The following BAG2 variants were observed in gnomAD, a reference collection of about 807,000 sequenced individuals.
The protein encoded by BAG2 is BAG family molecular chaperone regulator 2.
Under a neutral mutation model 16.4 loss-of-function variants are expected in BAG2, and 8 were observed. That is an observed-to-expected ratio of 0.49 (90% confidence interval 0.29 to 0.88). The LOEUF (loss-of-function observed/expected upper bound fraction) is 0.88, where lower values mean the gene tolerates loss of function less well. BAG2 is among the 40% of genes least tolerant of loss of function. The pLI is 0.09. For missense variants in BAG2, 218 were observed against 248.9 expected (o/e 0.88, Z 0.84); for synonymous variants, 82 against 89.2 (o/e 0.92, Z 0.46).
chr6:57,188,547 C>CAA lies in BAG2; in HGVS notation c.*4359_*4360dup, dbSNP rs1430845617. On this transcript the variant is annotated 3_prime_UTR_variant, in exon 3 of 3. Transcript: ENST00000370693. Reference sequence around the variant, plus strand: ...AATAAAGACAAAAGACTATTTGTTGCAAAGTATTATTTTGTGCAAAAATTA... The same window carrying CAA: ...AATAAAGACAAAAGACTATTTGTTGCAAAAAGTATTATTTTGTGCAAAAATTA... 6 of 152,072 alleles carry CAA rather than the reference C, an allele frequency of 3.9e-5. No individual in the cohort carries two copies. Among genetic ancestry groups the CAA allele is most frequent in the African/African-American group, 9.6e-5 (4 of 41,492 alleles). 9.4% of individuals were successfully genotyped at this position (152,072 alleles called of 1,614,324 possible). A position where few individuals can be genotyped will look rare whatever the true frequency, so the allele number is the denominator to read the frequency against.
rs527952717 is a variant in BAG2, at chr6:57,184,794, A to G, written c.*604A>G. 1.3e-5 allele frequency: 2 copies of G among 152,754 alleles called. No homozygotes were observed. Among genetic ancestry groups the G allele is most frequent in the African/African-American group, 4.8e-5 (2 of 41,588 alleles). The allele number at this position is 152,754 out of a possible 1,614,324, so 9.5% of individuals were successfully genotyped here. ...GACATAAAATGTGAGAAAACCACCTATAATTTACCACTGTGAACAATTATA... is the reference window on the plus strand; with the variant it reads ...GACATAAAATGTGAGAAAACCACCTGTAATTTACCACTGTGAACAATTATA... On this transcript the variant is annotated 3_prime_UTR_variant, in exon 3 of 3. Coordinates refer to ENST00000370693, the MANE Select transcript of BAG2 (RefSeq NM_004282.4).
rs1435363176 is a variant in BAG2 at position 57,183,938 on chromosome 6, G to A, written c.384G>A (p.Leu128=). 1.2e-6 allele frequency: 2 copies of A among 1,613,994 alleles called. No individual in the cohort carries two copies. ...TGGTCAATAAGTTTCTGGATGATTT[G>A]GGAAATGCCAAGAGTCATTTAATGT... ...DEVVNKFLDD[L]GNAKSHLMSL... Residue 128 remains leucine, a synonymous_variant, in exon 3 of 3, where the codon TTG becomes TTA. Transcript: ENST00000370693.
chr6:57,189,272 A>C lies in BAG2; in HGVS notation c.*5082A>C, dbSNP rs1764738378. The C allele has an allele frequency of 6.6e-6, 1 of 152,206 alleles. No homozygotes were observed. The highest frequency in any genetic ancestry group is 1.5e-5 in the Non-Finnish European group (1 of 68,026). The allele number at this position is 152,206 out of a possible 1,614,324, so 9.4% of individuals were successfully genotyped here. ...ACAAACAAGGTTATAGAAATGTTGA[A>C]GTGATTGATAATCTTAAAATACCAT... is the stretch of plus-strand genomic sequence containing the variant. On this transcript the variant is annotated 3_prime_UTR_variant, in exon 3 of 3. Coordinates refer to ENST00000370693, the MANE Select transcript of BAG2 (RefSeq NM_004282.4).
At chr6:57,178,034 A>G (rs1309361216) in intron 1 of BAG2, among the ~76,000 whole-genome samples, 1 of 152,216 alleles carries the variant, frequency 6.6e-6, no homozygotes, top group African/African-American at 2.4e-5. Flanking sequence ...AGCACAGCCC[A>G]GGCCAGCCTT....
At chr6:57,177,562 T>C (rs930078934) in intron 1 of BAG2, among the ~76,000 whole-genome samples, 1 of 152,222 alleles carries the variant, frequency 6.6e-6, no homozygotes, top group African/African-American at 2.4e-5. Context: ...TAGCTATTAA[T>C]ACTATAAATA....
intron 1 of BAG2, among the ~76,000 whole-genome samples, chr6:57,175,844 T>C (rs529225954): frequency 6.6e-6 from 1 of 152,114 alleles, no homozygotes; most frequent in Non-Finnish European, 1.5e-5. Context: ...AGTGTTTCCC[T>C]GAATTTTGTG....
chr6:57,172,562 C>G lies in BAG2; in HGVS notation c.-136C>G, dbSNP rs1027834957. ...CAGCCGCGGTGTCGGCGAGTCCTCC[C>G]GGGTTGCCCCCGCGGGCGTCAGAGG... On this transcript the variant is annotated 5_prime_UTR_variant, in exon 1 of 3. Transcript: ENST00000370693. 9.2e-5 allele frequency: 62 copies of G among 672,210 alleles called. No homozygotes were observed. Among genetic ancestry groups the G allele is most frequent in the Non-Finnish European group, 1.4e-4 (61 of 438,842 alleles). The allele number at this position is 672,210 out of a possible 1,614,324, so 41.6% of individuals were successfully genotyped here.
chr6:57,179,222 C>T (rs1764369725), intron 1 of BAG2, among the ~76,000 whole-genome samples: 1 of 152,136 alleles, frequency 6.6e-6, no homozygotes, highest in African/African-American at 2.4e-5. Flanking sequence ...TAAGTAAATA[C>T]TGAATGGTCC....
Position 57,184,067 on chromosome 6 carries a change from GAGA to G in BAG2, c.517_519del (p.Arg173del). On this transcript the variant is annotated inframe_deletion, in exon 3 of 3. Coordinates refer to ENST00000370693, the MANE Select transcript of BAG2 (RefSeq NM_004282.4). ...CTCTTGAAGATCAGAAGAAAATTAA[GAGA>G]AGATTAGAGACTCTGCTTAGAAATA... is the stretch of plus-strand genomic sequence containing the variant. 1.2e-6 allele frequency: 2 copies of G among 1,612,514 alleles called. No homozygotes were observed. Among genetic ancestry groups the G allele is most frequent in the Non-Finnish European group, 1.7e-6 (2 of 1,179,690 alleles).
At position 57,186,032 on chromosome 6, in the gene BAG2, TCC is replaced by T. The variant is rs1764604177; in HGVS notation, c.*1844_*1845del. On this transcript the variant is annotated 3_prime_UTR_variant, in exon 3 of 3. Coordinates refer to ENST00000370693, the MANE Select transcript of BAG2 (RefSeq NM_004282.4). ...ATCCACATTTCCAAGCTGCTTGGGG[TCC>T]CTGGTTTACAGTGTCTCCAGCATTC... The T allele has an allele frequency of 6.6e-6, 1 of 152,048 alleles. No individual in the cohort carries two copies. The highest frequency in any genetic ancestry group is 2.4e-5 in the African/African-American group (1 of 41,382). 9.4% of individuals were successfully genotyped at this position (152,048 alleles called of 1,614,324 possible).
chr6:57,172,911 G>T, intron 1 of BAG2, 101 bp downstream of exon 1: 1 of 1,020,454 alleles, frequency 9.8e-7, no homozygotes, highest in South Asian at 2.0e-5. Flanking sequence ...GGGGCCTGGG[G>T]CACAGTGAGG....
chr6:57,182,953 G>C (rs1227456242), intron 2 of BAG2, among the ~76,000 whole-genome samples: 1 of 152,178 alleles, frequency 6.6e-6, no homozygotes, highest in African/African-American at 2.4e-5. Context: ...CCTAACCTGT[G>C]CTGTCATTTT....
chr6:57,182,365 T>G (rs186921168), intron 2 of BAG2, among the ~76,000 whole-genome samples: 24 of 151,866 alleles, frequency 1.6e-4, no homozygotes, highest in Admixed American at 1.3e-4. Flanking sequence ...CTAGGAGAGA[T>G]AGGAAAAAGC....
At chr6:57,181,445 A>G (rs1764440459) in intron 1 of BAG2, among the ~76,000 whole-genome samples, 1 of 152,124 alleles carries the variant, frequency 6.6e-6, no homozygotes, top group Non-Finnish European at 1.5e-5. Context: ...TAATCCCAGC[A>G]CTTTGGGAGG....
At chr6:57,182,383 C>G (rs12197258) in intron 2 of BAG2, among the ~76,000 whole-genome samples, 1 of 151,860 alleles carries the variant, frequency 6.6e-6, no homozygotes, top group Non-Finnish European at 1.5e-5. Context: ...AGCCTGCAAG[C>G]TCAGAAAAGC....
rs1340433695 is a variant in BAG2 at position 57,184,667 on chromosome 6, T to C, written c.*477T>C. Reference sequence around the variant, plus strand: ...TCACAAAACAAGAATCTTTCCAAAGTTGTCTCATTCAGCAATGTTAAGGCA... The same window carrying C: ...TCACAAAACAAGAATCTTTCCAAAGCTGTCTCATTCAGCAATGTTAAGGCA... On this transcript the variant is annotated 3_prime_UTR_variant, in exon 3 of 3. Transcript: ENST00000370693. 6.5e-6 allele frequency: 1 copy of C among 152,674 alleles called. No individual in the cohort carries two copies. The highest frequency in any genetic ancestry group is 6.5e-5 in the Admixed American group (1 of 15,274). The allele number at this position is 152,674 out of a possible 1,614,324, so 9.5% of individuals were successfully genotyped here.
rs2127995117 is a variant in BAG2 at position 57,188,279 on chromosome 6, G to A, written c.*4089G>A. The A allele has an allele frequency of 6.6e-6, 1 of 152,172 alleles. No individual in the cohort carries two copies. The highest frequency in any genetic ancestry group is 1.9e-4 in the East Asian group (1 of 5,190). The allele number at this position is 152,172 out of a possible 1,614,324, so 9.4% of individuals were successfully genotyped here. A position where few individuals can be genotyped will look rare whatever the true frequency, so the allele number is the denominator to read the frequency against. On this transcript the variant is annotated 3_prime_UTR_variant, in exon 3 of 3. Coordinates refer to ENST00000370693, the MANE Select transcript of BAG2 (RefSeq NM_004282.4). ...TCAGGCCTACTTAATTATTTTAAAT[G>A]ACTAATTATGGTTAGGTTTAAAATA... is the stretch of plus-strand genomic sequence containing the variant.
intron 1 of BAG2, among the ~76,000 whole-genome samples, chr6:57,175,850 T>C (rs544331834): frequency 1.1e-4 from 17 of 152,266 alleles, no homozygotes; most frequent in African/African-American, 4.1e-4. Flanking sequence ...TCCCTGAATT[T>C]TGTGAGCTGC....
intron 2 of BAG2, among the ~76,000 whole-genome samples, chr6:57,182,828 T>C (rs1764505574): frequency 6.6e-6 from 1 of 152,062 alleles, no homozygotes; most frequent in African/African-American, 2.4e-5. Flanking sequence ...TTTTTATATT[T>C]TTAGTAAAGA....
Sources: gnomAD v4.1 joint callset for allele counts (sites outside exome capture counted in the v4.1 genomes callset) on GRCh38, gnomAD v4.1.1 for gene constraint, MANE v1.5 for transcripts, NCBI Gene and HGNC (gene_info 2026-07-23, HGNC 2026-07-21) for gene names.